Variants in FAM13A observed in about 807,000 individuals in gnomAD.
FAM13A encodes the protein protein FAM13A.
FAM13A carries 76 observed loss-of-function variants against 129.6 expected under a neutral mutation model. The observed-to-expected ratio is 0.59, with a 90% CI of 0.49 to 0.71. The LOEUF (loss-of-function observed/expected upper bound fraction) is 0.71, where lower values mean the gene tolerates loss of function less well. Ranked by LOEUF, FAM13A falls within the 30% of genes least tolerant of loss-of-function variation. The pLI is 0.00. For missense variants in FAM13A, 1,108 were observed against 1,249.3 expected (o/e 0.89, Z 1.70); for synonymous variants, 443 against 449.9 (o/e 0.98, Z 0.20).
chr4:88,746,467 T>C (rs139693183), intron 19 of FAM13A, among the ~76,000 whole-genome samples: 1 of 152,332 alleles, frequency 6.6e-6, no homozygotes, highest in South Asian at 2.1e-4. Flanking sequence ...TTACAAACAC[T>C]AGTTGCACTG....
At chr4:88,852,615 A>T (rs939511290) in intron 6 of FAM13A, among the ~76,000 whole-genome samples, 11 of 152,132 alleles carry the variant, frequency 7.2e-5, no homozygotes, top group Non-Finnish European at 1.2e-4. Context: ...GCAAATAGAG[A>T]TCATAGTCTC....
chr4:88,890,581 C>T (rs553255766), intron 6 of FAM13A, among the ~76,000 whole-genome samples: 281 of 152,078 alleles, frequency 1.8e-3, no homozygotes, highest in Non-Finnish European at 3.1e-3. Flanking sequence ...AAATATATGT[C>T]TATGGAGGAA....
chr4:88,797,981 T>C (rs1726571385), intron 8 of FAM13A, among the ~76,000 whole-genome samples: 1 of 152,196 alleles, frequency 6.6e-6, no homozygotes, highest in Non-Finnish European at 1.5e-5. Context: ...TCCCAAATAG[T>C]TTCTTTGTGT....
chr4:89,029,487 T>G lies in FAM13A; in HGVS notation c.190A>C (p.Asn64His). The change falls in exon 2 of 24, where the codon AAT (asparagine) becomes CAT (histidine). Residue 64 changes from asparagine (N) to histidine (H), a missense_variant. Physicochemically the swap from Asn to His is moderately conservative, Grantham distance 68 (BLOSUM62 1). Coordinates refer to ENST00000264344, the MANE Select transcript of FAM13A (RefSeq NM_014883.4). ...TENGIPAVVW[N>H]IVEYLTQHGL... ...TGCTGCGTCAAATATTCCACTATATTCCACACTACTGCTGGAATGCCATTC... is the reference window on the plus strand; with the variant it reads ...TGCTGCGTCAAATATTCCACTATATGCCACACTACTGCTGGAATGCCATTC... The G allele has an allele frequency of 6.3e-7, 1 of 1,597,670 alleles. No individual in the cohort carries two copies. The highest frequency in any genetic ancestry group is 8.5e-7 in the Non-Finnish European group (1 of 1,175,690).
rs149220193 is a variant in FAM13A at position 88,995,930 on chromosome 4, G to A, written c.428-4780C>T. Among the ~76,000 whole-genome samples the A allele has an allele frequency of 3.0e-4, 46 of 152,326 alleles. No individual in the cohort carries two copies. In the South Asian group the frequency reaches 3.7e-3, roughly 12 times the overall value. On this transcript the variant is annotated intron_variant, in intron 3 of 23. Transcript: ENST00000264344. ...CATGCTATGAAGAAACAGAAAGCAG[G>A]ATAAAGTGGAGTAAAGCAGAGTGAT... is the stretch of plus-strand genomic sequence containing the variant.
intron 4 of FAM13A, among the ~76,000 whole-genome samples, chr4:88,940,007 A>G (rs773904020): frequency 2.0e-5 from 3 of 152,226 alleles, no homozygotes; most frequent in Non-Finnish European, 4.4e-5. Flanking sequence ...CAGATGATTC[A>G]GTTAAGTTGT....
rs974729480 is a variant in FAM13A, at chr4:88,728,357, T to C, written c.*176A>G. 5 of 714,582 alleles carry C rather than the reference T, an allele frequency of 7.0e-6. No individual in the cohort carries two copies. In the Admixed American group the frequency reaches 1.4e-4, roughly 21 times the overall value. The allele number at this position is 714,582 out of a possible 1,614,324, so 44.3% of individuals were successfully genotyped here. A position where few individuals can be genotyped will look rare whatever the true frequency, so the allele number is the denominator to read the frequency against. On this transcript the variant is annotated 3_prime_UTR_variant, in exon 24 of 24. Transcript: ENST00000264344. ...CCTAAGTCAGGTCACATTGTCTTCT[T>C]CCAGCCAGTTTCTAAGGCAGGCAAT...
intron 22 of FAM13A, 23 bp downstream of exon 22, chr4:88,731,979 C>T: frequency 1.9e-6 from 3 of 1,566,546 alleles, no homozygotes; most frequent in South Asian, 2.4e-5. Context: ...AAACATTTCA[C>T]CACCACCACC....
chr4:88,910,510 G>A (rs73843726), intron 5 of FAM13A, among the ~76,000 whole-genome samples: 277 of 152,138 alleles, frequency 1.8e-3, no homozygotes, highest in African/African-American at 6.4e-3. Context: ...ACTGGAGCAG[G>A]TTATCTTCCC....
At chr4:88,781,742 A>G (rs998655559) in intron 10 of FAM13A, among the ~76,000 whole-genome samples, 2 of 151,926 alleles carry the variant, frequency 1.3e-5, no homozygotes, top group African/African-American at 2.4e-5. Flanking sequence ...AAATCTAAAA[A>G]GGAATTGTAT....
At chr4:88,764,710 T>C (rs1321922576) in intron 13 of FAM13A, among the ~76,000 whole-genome samples, 1 of 152,202 alleles carries the variant, frequency 6.6e-6, no homozygotes, top group Non-Finnish European at 1.5e-5. Context: ...CCTTATGTTA[T>C]CTCATTTCAC....
chr4:88,746,842 G>C, intron 19 of FAM13A, 90 bp downstream of exon 19: 2 of 839,554 alleles, frequency 2.4e-6, no homozygotes, highest in Non-Finnish European at 4.1e-6. Context: ...CAAACATTAG[G>C]GAACCCCATT....
At chr4:88,888,894 C>T (rs1034916280) in intron 6 of FAM13A, among the ~76,000 whole-genome samples, 1 of 150,712 alleles carries the variant, frequency 6.6e-6, no homozygotes, top group African/African-American at 2.4e-5. Context: ...CGAGATTGTG[C>T]CACTGCGCTC....
chr4:88,994,133 C>T (rs556224171), intron 3 of FAM13A, among the ~76,000 whole-genome samples: 28 of 152,264 alleles, frequency 1.8e-4, no homozygotes, highest in Non-Finnish European at 3.5e-4. Context: ...AAGACAGATT[C>T]ATCGATTCCT....
chr4:89,045,403 T>C (rs1191984681), intron 1 of FAM13A, among the ~76,000 whole-genome samples: 1 of 152,202 alleles, frequency 6.6e-6, no homozygotes, highest in East Asian at 1.9e-4. Flanking sequence ...CTGATGCCAC[T>C]TTATGCCCCA....
chr4:88,908,724 G>C (rs1270078835), intron 5 of FAM13A, among the ~76,000 whole-genome samples: 1 of 152,204 alleles, frequency 6.6e-6, no homozygotes, highest in Non-Finnish European at 1.5e-5. Context: ...AGCAGTCTGA[G>C]AATGAACTGG....
At position 88,925,255 on chromosome 4, in the gene FAM13A, T is replaced by C. The variant is rs1303086823; in HGVS notation, c.759+12833A>G. On this transcript the variant is annotated intron_variant, in intron 5 of 23. Coordinates refer to ENST00000264344, the MANE Select transcript of FAM13A (RefSeq NM_014883.4). ...ATGCTGCTATAAAGACACATGCACATGTATGTTTATTGCGGCTCTATTCAC... is the reference window on the plus strand; with the variant it reads ...ATGCTGCTATAAAGACACATGCACACGTATGTTTATTGCGGCTCTATTCAC... Among the ~76,000 whole-genome samples the C allele has an allele frequency of 3.3e-5, 5 of 152,278 alleles. No individual in the cohort carries two copies. The East Asian group carries it at 5.8e-4, about 18-fold the overall frequency.
intron 4 of FAM13A, among the ~76,000 whole-genome samples, chr4:88,951,551 T>C (rs1018411824): frequency 3.3e-5 from 5 of 152,184 alleles, no homozygotes; most frequent in African/African-American, 9.7e-5. Context: ...TTTTAGCAGT[T>C]TGAATGACTC....
In FAM13A at chr4:88,788,051, C is replaced by T. The variant is rs1208133603; in HGVS notation, c.1092-119G>A. The T allele has an allele frequency of 5.6e-6, 4 of 713,130 alleles. No individual in the cohort carries two copies. The East Asian group carries it at 1.2e-4, about 21-fold the overall frequency. 44.2% of individuals were successfully genotyped at this position (713,130 alleles called of 1,614,324 possible). On this transcript the variant is annotated intron_variant, in intron 9 of 23. Transcript: ENST00000264344. ...TTCCAGTGGAAAGTCTTTAGAACTT[C>T]ATAAGCAAAGAGAGATGATGAGGCA...
Sources: gnomAD v4.1 joint callset for allele counts (sites outside exome capture counted in the v4.1 genomes callset) on GRCh38, gnomAD v4.1.1 for gene constraint, MANE v1.5 for transcripts, NCBI Gene and HGNC (gene_info 2026-07-23, HGNC 2026-07-21) for gene names.